SHISA6: variants seen among roughly 807,000 people sequenced by gnomAD.
SHISA6 encodes protein shisa-6.
A neutral mutation model predicts 47.9 loss-of-function variants in SHISA6; 22 were observed. The observed-to-expected ratio is 0.46, with a 90% CI of 0.33 to 0.66. SHISA6 has a LOEUF of 0.66. SHISA6 is among the 30% of genes least tolerant of loss of function. The probability of loss-of-function intolerance (pLI) is 0.02; values close to 1 mark genes in which losing one functional copy is unlikely to be tolerated. For missense variants in SHISA6, 680 were observed against 764.6 expected, an observed-to-expected ratio of 0.89 and a Z score of 1.30; for synonymous variants, 388 against 337.8, an observed-to-expected ratio of 1.15 and a Z score of -1.63.
intron 3 of SHISA6, among the ~76,000 whole-genome samples, chr17:11,481,438 T>C (rs1021476651): frequency 6.6e-6 from 1 of 150,566 alleles, no homozygotes; most frequent in Admixed American, 6.6e-5. Context: ...TAGAAGAGAC[T>C]ATATGCTTAT....
intron 3 of SHISA6, among the ~76,000 whole-genome samples, chr17:11,381,315 C>G (rs1913000264): frequency 6.6e-6 from 1 of 152,208 alleles, no homozygotes; most frequent in Admixed American, 6.5e-5. Flanking sequence ...TGGGTTCATG[C>G]TTTCTTTCAA....
intron 3 of SHISA6, among the ~76,000 whole-genome samples, chr17:11,459,310 A>T (rs2969207): frequency 0.2 from 30,999 of 151,992 alleles, 5,459 homozygotes; most frequent in African/African-American, 0.48. Flanking sequence ...CCTACACTGA[A>T]TTAATCTTGT....
chr17:11,530,472 T>C (rs2071722887), intron 3 of SHISA6, among the ~76,000 whole-genome samples: 1 of 152,244 alleles, frequency 6.6e-6, no homozygotes, highest in South Asian at 2.1e-4. Flanking sequence ...TCAATTTTAC[T>C]TTCTGGTTTT....
chr17:11,410,257 C>G (rs755222165), intron 3 of SHISA6, among the ~76,000 whole-genome samples: 1 of 152,188 alleles, frequency 6.6e-6, no homozygotes, highest in Non-Finnish European at 1.5e-5. Context: ...AATCAACAAC[C>G]CTCGGAGGAG....
chr17:11,453,325 C>T (rs1302573840), intron 3 of SHISA6, among the ~76,000 whole-genome samples: 1 of 152,160 alleles, frequency 6.6e-6, no homozygotes. Context: ...GCAACAGCAG[C>T]TTCGGGAAAC....
chr17:11,350,182 A>ATTTTTTTTTTTTTTTTTTTTTTTTTT (rs778331945), intron 2 of SHISA6, among the ~76,000 whole-genome samples: 1 of 116,238 alleles, frequency 8.6e-6, no homozygotes, highest in Non-Finnish European at 1.7e-5. Flanking sequence ...TTATTTATTT[A>ATTTTTTTTTTTTTTTTTTTTTTTTTT]TTTTTTTTTT....
At chr17:11,546,417 T>C (rs977764953) in intron 3 of SHISA6, among the ~76,000 whole-genome samples, 7 of 152,194 alleles carry the variant, frequency 4.6e-5, no homozygotes, top group Admixed American at 1.3e-4. Context: ...GGAATCCCTT[T>C]TAGCTAATTG....
chr17:11,551,282 A>C (rs1319765828), intron 3 of SHISA6, among the ~76,000 whole-genome samples: 3 of 152,212 alleles, frequency 2.0e-5, no homozygotes, highest in Non-Finnish European at 4.4e-5. Flanking sequence ...TAAGTGGAAT[A>C]TTATTAATAA....
chr17:11,442,159 T>G (rs1915110999), intron 3 of SHISA6, among the ~76,000 whole-genome samples: 1 of 152,252 alleles, frequency 6.6e-6, no homozygotes, highest in Admixed American at 6.5e-5. Context: ...CATTTGACAC[T>G]TGTAATACTA....
At chr17:11,337,348 G>T (rs141181709) in intron 2 of SHISA6, among the ~76,000 whole-genome samples, 1 of 152,102 alleles carries the variant, frequency 6.6e-6, no homozygotes, top group Admixed American at 6.5e-5. Flanking sequence ...TCCCACTGGA[G>T]GGTGTGTTAT....
chr17:11,256,269 G>C (rs1319938500), intron 1 of SHISA6, among the ~76,000 whole-genome samples: 1 of 152,192 alleles, frequency 6.6e-6, no homozygotes, highest in Non-Finnish European at 1.5e-5. Flanking sequence ...CCAAGGTTGG[G>C]TGGATCACCT....
chr17:11,423,085 CAAT>C (rs1914494015), intron 3 of SHISA6, among the ~76,000 whole-genome samples: 1 of 151,486 alleles, frequency 6.6e-6, no homozygotes, highest in South Asian at 2.1e-4. Context: ...CTTTTGATGC[CAAT>C]AACCTACAGG....
intron 3 of SHISA6, among the ~76,000 whole-genome samples, chr17:11,430,497 G>A (rs763766801): frequency 2.0e-5 from 3 of 152,162 alleles, no homozygotes; most frequent in African/African-American, 7.2e-5. Context: ...AACTTTTGTT[G>A]TTTGGAGTCA....
intron 3 of SHISA6, among the ~76,000 whole-genome samples, chr17:11,430,081 C>T (rs1914710694): frequency 6.6e-6 from 1 of 152,168 alleles, no homozygotes; most frequent in Admixed American, 6.5e-5. Context: ...GATGAGGAAA[C>T]TGAGGATCAC....
At chr17:11,506,844 C>A (rs2071503029) in intron 3 of SHISA6, among the ~76,000 whole-genome samples, 1 of 152,198 alleles carries the variant, frequency 6.6e-6, no homozygotes. Context: ...ACAGCACCGT[C>A]GCCCCAACTG....
intron 2 of SHISA6, among the ~76,000 whole-genome samples, chr17:11,298,751 C>A (rs1252402855): frequency 6.6e-6 from 1 of 152,148 alleles, no homozygotes; most frequent in Non-Finnish European, 1.5e-5. Flanking sequence ...CAGTGAGAAC[C>A]AAGAACACTA....
rs144730720 is a variant in SHISA6, at chr17:11,555,943, T to C, written c.1105+51T>C. Reference sequence around the variant, plus strand: ...GGTCTGTCTCTGGGGCTCCAAGATATCTTCCTATGTCACACTCTCTTGCTC... The same window carrying C: ...GGTCTGTCTCTGGGGCTCCAAGATACCTTCCTATGTCACACTCTCTTGCTC... On this transcript the variant is annotated intron_variant, in intron 5 of 5. Transcript: ENST00000441885. The C allele has an allele frequency of 3.9e-4, 573 of 1,468,458 alleles. 5 individuals are homozygous for C. In the East Asian group the frequency reaches 0.014, roughly 36 times the overall value. The allele number at this position is 1,468,458 out of a possible 1,614,324, so 91.0% of individuals were successfully genotyped here. A position where few individuals can be genotyped will look rare whatever the true frequency, so the allele number is the denominator to read the frequency against.
At chr17:11,415,950 T>G (rs1266717237) in intron 3 of SHISA6, among the ~76,000 whole-genome samples, 1 of 152,194 alleles carries the variant, frequency 6.6e-6, no homozygotes, top group Non-Finnish European at 1.5e-5. Flanking sequence ...ATAGATCCAT[T>G]GTCTGGCGAG....
intron 2 of SHISA6, among the ~76,000 whole-genome samples, chr17:11,288,014 C>A (rs984127745): frequency 6.6e-5 from 10 of 152,124 alleles, no homozygotes; most frequent in African/African-American, 1.4e-4. Context: ...TCATCTATAG[C>A]CCCACCATAA....
Sources: gnomAD v4.1 joint callset for allele counts (sites outside exome capture counted in the v4.1 genomes callset) on GRCh38, gnomAD v4.1.1 for gene constraint, MANE v1.5 for transcripts, NCBI Gene and HGNC (gene_info 2026-07-23, HGNC 2026-07-21) for gene names.